The following ASIC2 variants were observed in gnomAD, a reference collection of about 807,000 sequenced individuals.
The protein encoded by ASIC2 is acid-sensing ion channel 2.
Under a neutral mutation model 57.3 loss-of-function variants are expected in ASIC2, and 25 were observed. The ratio of observed to expected loss-of-function variants is 0.44; its 90% CI spans 0.32 to 0.61. ASIC2 has a LOEUF of 0.61. Among genes scored for constraint, ASIC2 ranks in the 20% least tolerant of loss-of-function variants. The pLI, the probability that ASIC2 is intolerant of heterozygous loss-of-function variation, is 0.06. For synonymous variants in ASIC2, 319 were observed against 307.5 expected, an observed-to-expected ratio of 1.04 and a Z score of -0.39; for missense variants, 641 against 738.1, an observed-to-expected ratio of 0.87 and a Z score of 1.52.
intron 1 of ASIC2, among the ~76,000 whole-genome samples, chr17:33,122,487 G>T (rs1455753752): frequency 6.6e-6 from 1 of 152,102 alleles, no homozygotes; most frequent in Admixed American, 6.5e-5. Context: ...TGGGCTCATG[G>T]TTCCTGTTAG....
chr17:33,563,477 C>T (rs1351187176), intron 1 of ASIC2, among the ~76,000 whole-genome samples: 2 of 152,200 alleles, frequency 1.3e-5, no homozygotes, highest in Non-Finnish European at 2.9e-5. Flanking sequence ...GCTCTACCTC[C>T]TCCTGCTCCC....
At chr17:34,155,724 G>A in intron 1 of ASIC2, 1 of 493,362 alleles carries the variant, frequency 2.0e-6, no homozygotes, top group Non-Finnish European at 3.6e-6. Flanking sequence ...GAGCACGTCT[G>A]GGGAAGTGAT....
At chr17:33,931,393 G>A (rs1915928485) in intron 1 of ASIC2, 1 of 152,180 alleles carries the variant, frequency 6.6e-6, no homozygotes, top group African/African-American at 2.4e-5. Context: ...GATAACACAA[G>A]CAGTTAAGTC....
chr17:33,267,240 C>CCCA, intron 1 of ASIC2, among the ~76,000 whole-genome samples: 1 of 152,280 alleles, frequency 6.6e-6, no homozygotes, highest in African/African-American at 2.4e-5. Flanking sequence ...CTTACCCCCC[C>CCCA]CAGGAAGCAA....
In ASIC2 at chr17:33,280,836, T is replaced by C. The variant is rs529469303; in HGVS notation, c.708+10572A>G. On this transcript the variant is annotated intron_variant, in intron 1 of 9. Coordinates refer to ENST00000225823, the MANE Select transcript of ASIC2 (RefSeq NM_183377.2). ...TCATCTGCTTTCCTGAGCAGTAGAC[T>C]TAGATTTATGGATGTGAGTTCACAG... Among the ~76,000 whole-genome samples the C allele has an allele frequency of 6.0e-4, 92 of 152,164 alleles. No individual in the cohort carries two copies. In the Middle Eastern group the frequency reaches 0.014, roughly 23 times the overall value.
At chr17:33,384,386 G>A (rs1317587090) in intron 1 of ASIC2, among the ~76,000 whole-genome samples, 1 of 152,206 alleles carries the variant, frequency 6.6e-6, no homozygotes, top group Non-Finnish European at 1.5e-5. Flanking sequence ...CTGTTCACTA[G>A]GAGAATGAGC....
intron 1 of ASIC2, among the ~76,000 whole-genome samples, chr17:33,399,378 G>A (rs1162772867): frequency 1.3e-5 from 2 of 152,194 alleles, no homozygotes; most frequent in African/African-American, 2.4e-5. Context: ...GCACACTGGG[G>A]TGAGGGACGA....
chr17:33,080,356 T>A (rs2092108305), intron 3 of ASIC2, among the ~76,000 whole-genome samples: 1 of 152,012 alleles, frequency 6.6e-6, no homozygotes, highest in African/African-American at 2.4e-5. Flanking sequence ...AGAGATCTCA[T>A]GAGCAACCTT....
chr17:33,313,344 G>A (rs1350202445), intron 1 of ASIC2, among the ~76,000 whole-genome samples: 1 of 151,496 alleles, frequency 6.6e-6, no homozygotes, highest in Non-Finnish European at 1.5e-5. Flanking sequence ...AAAAAAGAAA[G>A]AAGGAGAAGA....
intron 1 of ASIC2, among the ~76,000 whole-genome samples, chr17:33,470,693 T>G (rs2141919226): frequency 6.6e-6 from 1 of 152,292 alleles, no homozygotes; most frequent in Admixed American, 6.5e-5. Flanking sequence ...TTGGAAATGC[T>G]TTTGAAAACA....
At chr17:33,384,163 T>A (rs535048971) in intron 1 of ASIC2, among the ~76,000 whole-genome samples, 1 of 152,366 alleles carries the variant, frequency 6.6e-6, no homozygotes, top group Non-Finnish European at 1.5e-5. Context: ...GATCTGATAC[T>A]GAGACATCTC....
intron 3 of ASIC2, chr17:33,052,192 A>G (rs1440623518): frequency 6.6e-6 from 1 of 152,242 alleles, no homozygotes; most frequent in Non-Finnish European, 1.5e-5. Flanking sequence ...CAAGATATGA[A>G]CACACAGAGT....
chr17:33,512,356 T>A (rs963631716), intron 1 of ASIC2, among the ~76,000 whole-genome samples: 2 of 152,204 alleles, frequency 1.3e-5, no homozygotes, highest in African/African-American at 4.8e-5. Flanking sequence ...AGCTTCTCCA[T>A]GGACCAGGTT....
intron 1 of ASIC2, among the ~76,000 whole-genome samples, chr17:34,082,747 T>C (rs980091199): frequency 2.0e-5 from 3 of 152,200 alleles, no homozygotes; most frequent in South Asian, 2.1e-4. Flanking sequence ...CTCTGAAAAA[T>C]AGATCATTAC....
chr17:33,147,741 C>T (rs761127449), intron 1 of ASIC2, among the ~76,000 whole-genome samples: 6 of 152,200 alleles, frequency 3.9e-5, no homozygotes, highest in Non-Finnish European at 8.8e-5. Context: ...ACTCAGCTGG[C>T]ATGCAGGGGA....
intron 1 of ASIC2, among the ~76,000 whole-genome samples, chr17:33,214,593 T>G (rs1277752311): frequency 6.6e-6 from 1 of 152,194 alleles, no homozygotes; most frequent in Non-Finnish European, 1.5e-5. Flanking sequence ...TGCCTCAAAC[T>G]TTACTGTACA....
rs761738756 is a variant in ASIC2, at chr17:33,527,615, C to T, written c.556-415548G>A. 7.9e-5 allele frequency among the ~76,000 whole-genome samples: 12 copies of T among 152,160 alleles called. No individual in the cohort carries two copies. The South Asian group carries it at 1.5e-3, about 18-fold the overall frequency. On this transcript the variant is annotated intron_variant, in intron 1 of 9. Transcript: ENST00000359872. ...AACAAACTCTGACAAAGAGGGTCAT[C>T]GTGAACAATGGGAATATCAGGAATA...
At position 33,939,257 on chromosome 17, in the gene ASIC2, C is replaced by T. The variant is rs1208969119; in HGVS notation, c.555+216721G>A. Among the ~76,000 whole-genome samples, 3 of 152,218 alleles carry T rather than the reference C, an allele frequency of 2.0e-5. No individual in the cohort carries two copies. The East Asian group carries it at 5.8e-4, about 29-fold the overall frequency. Reference sequence around the variant, plus strand: ...ATATAGAGTCATGCCATGATTATCTCATTAATCCCCCCAATTGCCCTGTGC... The same window carrying T: ...ATATAGAGTCATGCCATGATTATCTTATTAATCCCCCCAATTGCCCTGTGC... On this transcript the variant is annotated intron_variant, in intron 1 of 9. Coordinates refer to the ASIC2 transcript ENST00000359872.
At chr17:33,677,214 A>T (rs1567686510) in intron 1 of ASIC2, among the ~76,000 whole-genome samples, 3 of 152,354 alleles carry the variant, frequency 2.0e-5, no homozygotes, top group East Asian at 1.9e-4. Flanking sequence ...TTGGAAGAAG[A>T]TGCCCTCTAG....
Sources: gnomAD v4.1 joint callset for allele counts (sites outside exome capture counted in the v4.1 genomes callset) on GRCh38, gnomAD v4.1.1 for gene constraint, MANE v1.5 for transcripts, NCBI Gene and HGNC (gene_info 2026-07-23, HGNC 2026-07-21) for gene names.